Variants in NKAIN2 observed in about 807,000 individuals in gnomAD.
The protein encoded by NKAIN2 is sodium/potassium-transporting ATPase subunit beta-1-interacting protein 2.
In NKAIN2, 14 loss-of-function variants were observed where a neutral mutation model predicts 32.6. That is an observed-to-expected ratio of 0.43 (90% CI 0.28 to 0.67). The LOEUF (loss-of-function observed/expected upper bound fraction) is 0.67, where lower values mean the gene tolerates loss of function less well. NKAIN2 is among the 30% of genes least tolerant of loss of function. The pLI is 0.17. For missense variants in NKAIN2, 198 were observed against 258.3 expected, an observed-to-expected ratio of 0.77 and a Z score of 1.60; for synonymous variants, 80 against 87.2, an observed-to-expected ratio of 0.92 and a Z score of 0.46.
At chr6:124,459,263 A>G (rs967342461) in intron 3 of NKAIN2, among the ~76,000 whole-genome samples, 27 of 151,876 alleles carry the variant, frequency 1.8e-4, no homozygotes, top group African/African-American at 6.5e-4. Flanking sequence ...TGGTCTGAAC[A>G]AAGTCCGCAA....
chr6:124,058,329 A>G (rs1244716833), intron 1 of NKAIN2, among the ~76,000 whole-genome samples: 1 of 152,046 alleles, frequency 6.6e-6, no homozygotes, highest in Non-Finnish European at 1.5e-5. Flanking sequence ...AAAATATACA[A>G]TAATTAGAAA....
intron 1 of NKAIN2, among the ~76,000 whole-genome samples, chr6:124,060,976 C>G (rs1015763681): frequency 6.6e-6 from 1 of 151,958 alleles, no homozygotes; most frequent in African/African-American, 2.4e-5. Context: ...GATAATATGG[C>G]TTTTTATTTT....
At chr6:124,019,216 A>G (rs2114755303) in intron 1 of NKAIN2, among the ~76,000 whole-genome samples, 1 of 152,288 alleles carries the variant, frequency 6.6e-6, no homozygotes, top group African/African-American at 2.4e-5. Flanking sequence ...AAAATTCAAG[A>G]TGAGATTTGG....
intron 1 of NKAIN2, among the ~76,000 whole-genome samples, chr6:124,263,380 C>T (rs939417487): frequency 6.6e-6 from 1 of 152,036 alleles, no homozygotes; most frequent in African/African-American, 2.4e-5. Context: ...ACAGGGCATC[C>T]GTAGAAAACG....
chr6:124,433,888 T>A (rs1240709251), intron 3 of NKAIN2, among the ~76,000 whole-genome samples: 1 of 152,176 alleles, frequency 6.6e-6, no homozygotes, highest in Non-Finnish European at 1.5e-5. Context: ...GGATTGTTTG[T>A]TTTTGCTGCT....
At chr6:124,332,699 C>T (rs954232712) in intron 2 of NKAIN2, among the ~76,000 whole-genome samples, 1 of 152,118 alleles carries the variant, frequency 6.6e-6, no homozygotes, top group Non-Finnish European at 1.5e-5. Context: ...ACTCTACAAT[C>T]ATTATTTCCA....
intron 1 of NKAIN2, among the ~76,000 whole-genome samples, chr6:124,180,461 C>T (rs577305975): frequency 7.8e-4 from 119 of 152,178 alleles, no homozygotes; most frequent in African/African-American, 2.8e-3. Flanking sequence ...AATTACCTCC[C>T]ACCAGTTCCC....
At chr6:124,004,280 T>A (rs2114719377) in intron 1 of NKAIN2, among the ~76,000 whole-genome samples, 1 of 152,294 alleles carries the variant, frequency 6.6e-6, no homozygotes, top group East Asian at 1.9e-4. Context: ...AATCAGATCC[T>A]TTCATTCAAA....
At chr6:124,721,145 G>A (rs181044424) in intron 4 of NKAIN2, among the ~76,000 whole-genome samples, 3 of 152,156 alleles carry the variant, frequency 2.0e-5, no homozygotes, top group South Asian at 2.1e-4. Flanking sequence ...GGCCGGGCGC[G>A]GTGGCTCACG....
Position 124,048,941 on chromosome 6 carries a change from T to C in NKAIN2, c.55-234064T>C, listed in dbSNP as rs17553000. 5.3e-3 allele frequency among the ~76,000 whole-genome samples: 804 copies of C among 152,180 alleles called. 7 individuals carry two copies. The highest frequency in any genetic ancestry group is 9.0e-3 in the Non-Finnish European group (613 of 67,978). Reference sequence around the variant, plus strand: ...TTAAACATGGCTTATGATATGAGTTTATCAAATGTTCTTAAAGAGAGTACG... The same window carrying C: ...TTAAACATGGCTTATGATATGAGTTCATCAAATGTTCTTAAAGAGAGTACG... On this transcript the variant is annotated intron_variant, in intron 1 of 6. Coordinates refer to ENST00000368417, the MANE Select transcript of NKAIN2 (RefSeq NM_001040214.3).
chr6:124,707,973 A>C (rs1313268495), intron 4 of NKAIN2, among the ~76,000 whole-genome samples: 4 of 149,576 alleles, frequency 2.7e-5, no homozygotes, highest in Admixed American at 2.0e-4. Context: ...TTATGGTTTT[A>C]GGTCTAACGT....
intron 1 of NKAIN2, among the ~76,000 whole-genome samples, chr6:123,944,634 A>G (rs1281471752): frequency 6.6e-6 from 1 of 152,134 alleles, no homozygotes; most frequent in African/African-American, 2.4e-5. Flanking sequence ...CTTGGTGACA[A>G]ACACTTTGAT....
intron 3 of NKAIN2, among the ~76,000 whole-genome samples, chr6:124,471,720 A>G (rs1370235900): frequency 6.6e-6 from 1 of 152,132 alleles, no homozygotes; most frequent in Non-Finnish European, 1.5e-5. Context: ...ATGCAAAGAT[A>G]CTCAATGAGA....
At chr6:124,481,868 C>A (rs955503815) in intron 3 of NKAIN2, among the ~76,000 whole-genome samples, 1 of 151,498 alleles carries the variant, frequency 6.6e-6, no homozygotes, top group African/African-American at 2.4e-5. Flanking sequence ...TTTTGGCAGG[C>A]GAGGGGGAAT....
chr6:124,351,586 A>G (rs1242565141), intron 2 of NKAIN2, among the ~76,000 whole-genome samples: 1 of 151,126 alleles, frequency 6.6e-6, no homozygotes, highest in Non-Finnish European at 1.5e-5. Context: ...TAAATCTTTG[A>G]GGATTACTGC....
At chr6:124,057,488 C>A (rs558296417) in intron 1 of NKAIN2, among the ~76,000 whole-genome samples, 1 of 151,756 alleles carries the variant, frequency 6.6e-6, no homozygotes, top group African/African-American at 2.4e-5. Context: ...ATATATTTTT[C>A]GAAATAGAAG....
chr6:124,410,676 A>C (rs1393987011), intron 3 of NKAIN2, among the ~76,000 whole-genome samples: 1 of 152,138 alleles, frequency 6.6e-6, no homozygotes, highest in East Asian at 1.9e-4. Context: ...TATTCTATTG[A>C]TTTGGGGTGG....
intron 1 of NKAIN2, among the ~76,000 whole-genome samples, chr6:123,928,967 T>C (rs1222746541): frequency 6.6e-6 from 1 of 152,062 alleles, no homozygotes; most frequent in Non-Finnish European, 1.5e-5. Context: ...CTTGGATAAA[T>C]ATGTCCTCCA....
At chr6:124,351,403 G>A (rs541697101) in intron 2 of NKAIN2, among the ~76,000 whole-genome samples, 1 of 151,560 alleles carries the variant, frequency 6.6e-6, no homozygotes, top group African/African-American at 2.4e-5. Flanking sequence ...TACCCAAGAG[G>A]CTGAAGTGGA....
Sources: allele counts gnomAD v4.1 joint callset (sites outside exome capture counted in the v4.1 genomes callset), GRCh38; gene constraint gnomAD v4.1.1; transcripts MANE v1.5; gene names NCBI Gene and HGNC (gene_info 2026-07-23, HGNC 2026-07-21).